Variants in MYOM1 observed in about 807,000 individuals in gnomAD.
MYOM1 encodes the protein myomesin 1, also known as myomesin-1.
Under a neutral mutation model 205.3 loss-of-function variants are expected in MYOM1, and 164 were observed. That is an observed-to-expected ratio of 0.80 (90% CI 0.70 to 0.91). The LOEUF (loss-of-function observed/expected upper bound fraction) is 0.91, where lower values mean the gene tolerates loss of function less well. Among genes scored for constraint, MYOM1 ranks in the 40% least tolerant of loss-of-function variants. The pLI is 0.00. For missense variants in MYOM1, 2,011 were observed against 2,127.3 expected (o/e 0.95, Z 1.08); for synonymous variants, 772 against 789.4 (o/e 0.98, Z 0.37).
intron 33 of MYOM1, among the ~76,000 whole-genome samples, chr18:3,082,114 T>G (rs2079091754): frequency 6.6e-6 from 1 of 152,210 alleles, no homozygotes; most frequent in Non-Finnish European, 1.5e-5. Context: ...CCTATGAGAA[T>G]CTAATGCCGC....
the MYOM1 span, among the ~76,000 whole-genome samples, chr18:3,242,549 C>T: frequency 5.9e-5 from 9 of 152,268 alleles, no homozygotes; most frequent in African/African-American, 2.2e-4. Flanking sequence ...TGCTCTGTAG[C>T]CCAGGCTTGA....
rs367808468 is a variant in MYOM1 at position 3,086,172 on chromosome 18, A to G, written c.4138-21T>C. On this transcript the variant is annotated intron_variant, in intron 29 of 37. Coordinates refer to ENST00000356443, the MANE Select transcript of MYOM1 (RefSeq NM_003803.4). ...GCCACCTAGGAGAAAAACCATAATT[A>G]CTTTTCTTAAAATAAGAAAGTGTAC... The G allele has an allele frequency of 2.0e-6, 3 of 1,471,132 alleles. No homozygotes were observed. In the African/African-American group the frequency reaches 4.2e-5, roughly 21 times the overall value. 91.1% of individuals were successfully genotyped at this position (1,471,132 alleles called of 1,614,324 possible).
intron 33 of MYOM1, 26 bp downstream of exon 33, chr18:3,083,763 C>T (rs2079116787): frequency 1.3e-6 from 2 of 1,533,274 alleles, no homozygotes; most frequent in Non-Finnish European, 1.8e-6. Context: ...AATTTCTACA[C>T]AGCAAGTAAG....
At chr18:3,176,690 G>T (rs1422763854) in intron 5 of MYOM1, among the ~76,000 whole-genome samples, 1 of 152,102 alleles carries the variant, frequency 6.6e-6, no homozygotes, top group Non-Finnish European at 1.5e-5. Flanking sequence ...AGACCAGCCT[G>T]GCCAACGTGG....
chr18:3,148,814 C>G (rs1198782459), intron 13 of MYOM1, among the ~76,000 whole-genome samples: 1 of 136,682 alleles, frequency 7.3e-6, no homozygotes, highest in Non-Finnish European at 1.5e-5. Flanking sequence ...CCATTGCACT[C>G]CACCCTGGGC....
At chr18:3,106,422 C>T (rs1165583065) in intron 22 of MYOM1, among the ~76,000 whole-genome samples, 1 of 152,194 alleles carries the variant, frequency 6.6e-6, no homozygotes, top group African/African-American at 2.4e-5. Flanking sequence ...ATGAGTCGTA[C>T]ATCATTACCT....
chr18:3,138,812 T>C (rs1174885160), intron 14 of MYOM1, among the ~76,000 whole-genome samples: 1 of 152,140 alleles, frequency 6.6e-6, no homozygotes, highest in Non-Finnish European at 1.5e-5. Flanking sequence ...ATTGTCAACG[T>C]TTTCCAGAGG....
At chr18:3,167,480 T>C (rs1211434934) in intron 9 of MYOM1, among the ~76,000 whole-genome samples, 1 of 152,166 alleles carries the variant, frequency 6.6e-6, no homozygotes, top group Admixed American at 6.6e-5. Flanking sequence ...GCCTTCTGAG[T>C]TCAAGCGATT....
At position 3,189,071 on chromosome 18, in the gene MYOM1, C is replaced by T; in HGVS notation, c.448G>A (p.Gly150Arg). Reference sequence around the variant, plus strand: ...CTTTCTTCTTCCGTATCAGTAATTCCACTGACATGCTTTTGACTAAAACAC... The same window carrying T: ...CTTTCTTCTTCCGTATCAGTAATTCTACTGACATGCTTTTGACTAAAACAC... Reference protein sequence around the residue: ...IFSGRQKHVSGITDTEEERIK... With the variant: ...IFSGRQKHVSRITDTEEERIK... Residue 150 changes from glycine (G) to arginine (R), a missense_variant, in exon 4 of 38, where the codon GGA (glycine) becomes AGA (arginine). By Grantham distance (125) the Gly-to-Arg change is moderately radical (BLOSUM62 -2). Transcript: ENST00000356443. This position sits in a 1 kb window ranked among gnomAD's most constrained non-coding sequence, Gnocchi z 4.8. The T allele has an allele frequency of 6.2e-7, 1 of 1,611,942 alleles. No individual in the cohort carries two copies. Among genetic ancestry groups the T allele is most frequent in the Non-Finnish European group, 8.5e-7 (1 of 1,178,734 alleles).
At chr18:3,210,528 G>C (rs1430490732) in intron 2 of MYOM1, among the ~76,000 whole-genome samples, 2 of 152,204 alleles carry the variant, frequency 1.3e-5, no homozygotes, top group African/African-American at 4.8e-5. Context: ...ATTCTAAATA[G>C]TGGGTTAAAG....
intron 2 of MYOM1, among the ~76,000 whole-genome samples, chr18:3,197,055 G>A (rs1321524691): frequency 6.6e-6 from 1 of 152,154 alleles, no homozygotes; most frequent in Non-Finnish European, 1.5e-5. Context: ...CAGTGAGTTG[G>A]TGGTGAACTG....
At chr18:3,242,744 A>C in the MYOM1 span, among the ~76,000 whole-genome samples, 1 of 152,138 alleles carries the variant, frequency 6.6e-6, no homozygotes, top group Non-Finnish European at 1.5e-5. Flanking sequence ...CCTGACCTCA[A>C]GCGATCCAGT....
intron 31 of MYOM1, 134 bp from the exon 32 acceptor site, chr18:3,084,161 C>T: frequency 1.2e-6 from 1 of 837,810 alleles, no homozygotes; most frequent in Non-Finnish European, 1.9e-6. Context: ...TGTCGACCCA[C>T]TGATAATGAG....
At chr18:3,106,216 G>T (rs1395313524) in intron 22 of MYOM1, among the ~76,000 whole-genome samples, 4 of 152,272 alleles carry the variant, frequency 2.6e-5, no homozygotes, top group South Asian at 2.1e-4. Flanking sequence ...CTGGATTTTG[G>T]TATCCACAGG....
intron 25 of MYOM1, among the ~76,000 whole-genome samples, chr18:3,098,670 G>T (rs572026113): frequency 2.4e-4 from 37 of 152,184 alleles, no homozygotes; most frequent in Non-Finnish European, 4.7e-4. Context: ...AAAGTGAGCT[G>T]CCCAGGCGCA....
chr18:3,245,328 T>C, the MYOM1 span, among the ~76,000 whole-genome samples: 2 of 151,974 alleles, frequency 1.3e-5, no homozygotes, highest in Admixed American at 6.6e-5. Flanking sequence ...TGAGCTGTGA[T>C]AGAACACAGC....
At chr18:3,208,631 C>T (rs1174022704) in intron 2 of MYOM1, among the ~76,000 whole-genome samples, 1 of 152,144 alleles carries the variant, frequency 6.6e-6, no homozygotes, top group Non-Finnish European at 1.5e-5. Context: ...AATAATGTGG[C>T]TCATCATTTT....
Position 3,147,738 on chromosome 18 carries a change from G to A in MYOM1, c.1900+1407C>T, listed in dbSNP as rs190378151. Among the ~76,000 whole-genome samples the A allele has an allele frequency of 1.8e-3, 279 of 152,238 alleles. 3 individuals are homozygous for A. Among genetic ancestry groups the A allele is most frequent in the African/African-American group, 6.1e-3 (252 of 41,564 alleles). ...TTGACAATGGTGCCAATACAAATTC[G>A]TTGGGTAAAGAACAATCTTTTCAAT... On this transcript the variant is annotated intron_variant, in intron 13 of 37. Transcript: ENST00000356443.
At chr18:3,163,781 T>C (rs1013887218) in intron 10 of MYOM1, among the ~76,000 whole-genome samples, 61 of 152,090 alleles carry the variant, frequency 4.0e-4, no homozygotes, top group African/African-American at 1.2e-3. Context: ...AACATATTCT[T>C]ATTCAATGTA....
Sources: allele counts gnomAD v4.1 joint callset (sites outside exome capture counted in the v4.1 genomes callset), GRCh38; gene constraint gnomAD v4.1.1; non-coding constraint Gnocchi (gnomAD v3.1); transcripts MANE v1.5; gene names NCBI Gene and HGNC (gene_info 2026-07-23, HGNC 2026-07-21).